NKAIN3: variants seen among roughly 807,000 people sequenced by gnomAD.
The protein encoded by NKAIN3 is sodium/potassium-transporting ATPase subunit beta-1-interacting protein 3.
NKAIN3 carries 25 observed loss-of-function variants against 30.2 expected under a neutral mutation model. The observed-to-expected ratio is 0.83, with a 90% CI of 0.60 to 1.16. The LOEUF is 1.16. Ranked by LOEUF, NKAIN3 falls within the 50% of genes most tolerant of loss-of-function variation. NKAIN3 has a pLI of 0.00. For synonymous variants in NKAIN3, 91 were observed against 89.6 expected (o/e 1.02, Z -0.09); for missense variants, 225 against 254.1 (o/e 0.89, Z 0.78).
At chr8:62,810,729 A>T (rs1308171383) in intron 4 of NKAIN3, among the ~76,000 whole-genome samples, 1 of 131,274 alleles carries the variant, frequency 7.6e-6, no homozygotes, top group Non-Finnish European at 1.6e-5. Context: ...TAATGTTTGT[A>T]TGCCTGCATG....
chr8:62,652,637 A>T (rs549387537), intron 3 of NKAIN3, among the ~76,000 whole-genome samples: 129 of 152,204 alleles, frequency 8.5e-4, no homozygotes, highest in Non-Finnish European at 2.5e-4. Context: ...AGTCTGATAT[A>T]TACCAGCTTG....
intron 1 of NKAIN3, among the ~76,000 whole-genome samples, chr8:62,429,848 G>T (rs1036921014): frequency 6.6e-6 from 1 of 151,564 alleles, no homozygotes; most frequent in African/African-American, 2.4e-5. Context: ...ACGTAACATA[G>T]AATTTACTAT....
In NKAIN3 at chr8:62,641,906, A is replaced by T. The variant is rs1218556671; in HGVS notation, c.273+52112A>T. On this transcript the variant is annotated intron_variant, in intron 3 of 6. Transcript: ENST00000623646. ...TTCAGAAATTTTACCTGTATTTTTA[A>T]TCTCATTTAGAAATGAATAGTAGCC... is the stretch of plus-strand genomic sequence containing the variant. Among the ~76,000 whole-genome samples the T allele has an allele frequency of 5.9e-5, 9 of 152,120 alleles. No individual in the cohort carries two copies. In the South Asian group the frequency reaches 1.9e-3, roughly 32 times the overall value.
intron 4 of NKAIN3, among the ~76,000 whole-genome samples, chr8:62,818,529 T>G (rs1818756686): frequency 6.6e-6 from 1 of 152,018 alleles, no homozygotes; most frequent in Non-Finnish European, 1.5e-5. Flanking sequence ...TTTTTCCCAG[T>G]GTGATCTACC....
intron 1 of NKAIN3, among the ~76,000 whole-genome samples, chr8:62,527,645 A>C (rs1808346597): frequency 6.6e-6 from 1 of 152,154 alleles, no homozygotes; most frequent in Non-Finnish European, 1.5e-5. Flanking sequence ...CCCTTTAATA[A>C]CACTATGGAC....
intron 1 of NKAIN3, among the ~76,000 whole-genome samples, chr8:62,553,910 T>C (rs926917212): frequency 3.9e-5 from 6 of 152,174 alleles, no homozygotes; most frequent in African/African-American, 1.4e-4. Flanking sequence ...TTAATCACTA[T>C]TATAGGAGAG....
At chr8:62,717,098 G>A (rs765429029) in intron 3 of NKAIN3, among the ~76,000 whole-genome samples, 6 of 152,160 alleles carry the variant, frequency 3.9e-5, no homozygotes, top group Admixed American at 1.3e-4. Flanking sequence ...TCAAGAAGTA[G>A]CATGAATGTT....
intron 1 of NKAIN3, among the ~76,000 whole-genome samples, chr8:62,503,872 C>A (rs557389146): frequency 6.6e-6 from 1 of 152,024 alleles, no homozygotes; most frequent in Non-Finnish European, 1.5e-5. Flanking sequence ...TTCAAACACA[C>A]GTTTTACAAT....
At chr8:62,734,782 A>G (rs1228591226) in intron 3 of NKAIN3, among the ~76,000 whole-genome samples, 1 of 152,252 alleles carries the variant, frequency 6.6e-6, no homozygotes, top group Non-Finnish European at 1.5e-5. Flanking sequence ...ATATCTGTGA[A>G]TTTAGCCAGA....
At chr8:62,317,776 A>G (rs536054175) in intron 1 of NKAIN3, among the ~76,000 whole-genome samples, 18 of 152,310 alleles carry the variant, frequency 1.2e-4, no homozygotes, top group African/African-American at 4.3e-4. Context: ...TTTTGGTTCC[A>G]TGTGAACTTT....
At chr8:62,343,439 C>T (rs1815819206) in intron 1 of NKAIN3, among the ~76,000 whole-genome samples, 1 of 151,986 alleles carries the variant, frequency 6.6e-6, no homozygotes, top group African/African-American at 2.4e-5. Flanking sequence ...CATTTATATA[C>T]ATAAAACTAC....
chr8:62,915,756 C>T (rs1822078048), intron 4 of NKAIN3, among the ~76,000 whole-genome samples: 1 of 151,894 alleles, frequency 6.6e-6, no homozygotes, highest in African/African-American at 2.4e-5. Flanking sequence ...AAGAAAATGT[C>T]CCGACGTTAT....
chr8:62,626,780 G>A lies in NKAIN3; in HGVS notation c.273+36986G>A, dbSNP rs142006495. On this transcript the variant is annotated intron_variant, in intron 3 of 6. Coordinates refer to ENST00000623646, the MANE Select transcript of NKAIN3 (RefSeq NM_001304533.3). ...TACCCAGCACACCTTAAACGAAACA[G>A]CAAAATAATAATTCACTTTTGCTGA... 5.7e-3 allele frequency among the ~76,000 whole-genome samples: 866 copies of A among 152,236 alleles called. 2 individuals carry two copies. The highest frequency in any genetic ancestry group is 0.014 in the Middle Eastern group (4 of 294).
rs774239328 is a variant in NKAIN3, at chr8:62,813,463, G to T, written c.471+66334G>T. 2.7e-5 allele frequency among the ~76,000 whole-genome samples: 4 copies of T among 149,326 alleles called. No individual in the cohort carries two copies. In the East Asian group the frequency reaches 7.8e-4, roughly 29 times the overall value. ...CGTCTGTGTGTTTCTTCATTGGTCA[G>T]TGAGCTTCTTGTAGGCAGCATACAG... On this transcript the variant is annotated intron_variant, in intron 4 of 6. Coordinates refer to ENST00000623646, the MANE Select transcript of NKAIN3 (RefSeq NM_001304533.3).
At chr8:62,321,932 G>A (rs56101514) in intron 1 of NKAIN3, among the ~76,000 whole-genome samples, 5,072 of 152,278 alleles carry the variant, frequency 0.033, 313 homozygotes, top group African/African-American at 0.12. Context: ...CAGAGGTGGA[G>A]TCTACAGAGG....
chr8:62,487,444 T>C (rs1481939775), intron 1 of NKAIN3, among the ~76,000 whole-genome samples: 2 of 152,172 alleles, frequency 1.3e-5, no homozygotes, highest in Non-Finnish European at 2.9e-5. Flanking sequence ...ATGGACAATG[T>C]CATTCTTGGG....
rs533427615 is a variant in NKAIN3, at chr8:62,248,870, G to A, written c.-204G>A. 1.9e-6 allele frequency: 1 copy of A among 525,920 alleles called. No homozygotes were observed. The highest frequency in any genetic ancestry group is 2.1e-5 in the African/African-American group (1 of 48,652). The allele number at this position is 525,920 out of a possible 1,614,324, so 32.6% of individuals were successfully genotyped here. On this transcript the variant is annotated 5_prime_UTR_variant, in exon 1 of 7. The change creates a new upstream start codon in the 5' untranslated region. Coordinates refer to ENST00000623646, the MANE Select transcript of NKAIN3 (RefSeq NM_001304533.3). Reference sequence around the variant, plus strand: ...GGGACCCCCGCCAGACGCTCGGGTCGTGCGCACCGCACTGACCTCGGCCCG... The same window carrying A: ...GGGACCCCCGCCAGACGCTCGGGTCATGCGCACCGCACTGACCTCGGCCCG...
chr8:62,385,120 G>A (rs34707872), intron 1 of NKAIN3, among the ~76,000 whole-genome samples: 13,969 of 152,070 alleles, frequency 0.092, 792 homozygotes, highest in Middle Eastern at 0.13. Context: ...TCAGGAGTGC[G>A]AGTCCCCCCA....
intron 4 of NKAIN3, among the ~76,000 whole-genome samples, chr8:62,891,083 C>T (rs1821283746): frequency 6.6e-6 from 1 of 152,106 alleles, no homozygotes. Flanking sequence ...TTGAAGGATG[C>T]AAAGTATTGT....
Sources: gnomAD v4.1 joint callset for allele counts (sites outside exome capture counted in the v4.1 genomes callset) on GRCh38, gnomAD v4.1.1 for gene constraint, MANE v1.5 for transcripts, NCBI Gene and HGNC (gene_info 2026-07-23, HGNC 2026-07-21) for gene names.